CFAP20DC: variants seen among roughly 807,000 people sequenced by gnomAD.
The protein encoded by CFAP20DC is protein CFAP20DC.
Under a neutral mutation model 101.7 loss-of-function variants are expected in CFAP20DC, and 84 were observed. The ratio of observed to expected loss-of-function variants is 0.83; its 90% CI spans 0.69 to 0.99. CFAP20DC has a LOEUF of 0.99. Ranked by LOEUF, CFAP20DC falls within the 50% of genes least tolerant of loss-of-function variation. The pLI is 0.00. For synonymous variants in CFAP20DC, 359 were observed against 351.2 expected (o/e 1.02, Z -0.25); for missense variants, 1,007 against 970.3 (o/e 1.04, Z -0.50).
intron 4 of CFAP20DC, among the ~76,000 whole-genome samples, chr3:59,035,135 T>G (rs905638011): frequency 2.0e-5 from 3 of 152,186 alleles, no homozygotes; most frequent in Admixed American, 2.0e-4. Context: ...ATAAGTTCTT[T>G]GAAACCAATG....
chr3:58,929,264 A>G (rs1374770592), intron 5 of CFAP20DC, among the ~76,000 whole-genome samples: 1 of 152,230 alleles, frequency 6.6e-6, no homozygotes, highest in Non-Finnish European at 1.5e-5. Context: ...TTACAGCCAC[A>G]TACATAATAC....
At chr3:58,750,436 G>A (rs1325974017) in intron 16 of CFAP20DC, among the ~76,000 whole-genome samples, 1 of 152,138 alleles carries the variant, frequency 6.6e-6, no homozygotes, top group East Asian at 1.9e-4. Context: ...AGGCTATTGT[G>A]AGAATTCAAG....
intron 14 of CFAP20DC, chr3:58,824,438 T>A (rs1024342467): frequency 6.6e-6 from 1 of 152,114 alleles, no homozygotes; most frequent in Admixed American, 6.6e-5. Flanking sequence ...GAAAACAGTA[T>A]TCATATATAA....
At chr3:58,871,183 A>AT (rs1292835202) in intron 7 of CFAP20DC, among the ~76,000 whole-genome samples, 9 of 152,222 alleles carry the variant, frequency 5.9e-5, no homozygotes, top group Admixed American at 4.6e-4. Context: ...AATTTCAAGA[A>AT]TAAGAGATGT....
intron 4 of CFAP20DC, among the ~76,000 whole-genome samples, chr3:58,977,699 C>G (rs1449023934): frequency 6.8e-6 from 1 of 146,872 alleles, no homozygotes; most frequent in Non-Finnish European, 1.5e-5. Flanking sequence ...AGTTTTATAA[C>G]TTTTTGTCAG....
chr3:58,961,728 T>G (rs367799992), intron 4 of CFAP20DC, among the ~76,000 whole-genome samples: 3 of 149,284 alleles, frequency 2.0e-5, no homozygotes, highest in East Asian at 1.9e-4. Flanking sequence ...AAATTTTCTG[T>G]TTTTTTTTTC....
chr3:58,896,486 T>C (rs1222811591), intron 6 of CFAP20DC, among the ~76,000 whole-genome samples: 1 of 152,222 alleles, frequency 6.6e-6, no homozygotes, highest in African/African-American at 2.4e-5. Context: ...GCTTGTTAAC[T>C]TGTGATCTTT....
chr3:58,885,561 C>G (rs1047739069), intron 6 of CFAP20DC, among the ~76,000 whole-genome samples: 2 of 151,418 alleles, frequency 1.3e-5, no homozygotes, highest in South Asian at 4.2e-4. Flanking sequence ...TGGTATTCCT[C>G]TTATCTAGCC....
chr3:59,049,771 G>C lies in CFAP20DC; in HGVS notation c.-140C>G, dbSNP rs1466039198. 1.3e-5 allele frequency: 13 copies of C among 1,022,188 alleles called. No homozygotes were observed. Among genetic ancestry groups the C allele is most frequent in the Non-Finnish European group, 1.8e-5 (13 of 714,838 alleles). 63.3% of individuals were successfully genotyped at this position (1,022,188 alleles called of 1,614,324 possible). A position where few individuals can be genotyped will look rare whatever the true frequency, so the allele number is the denominator to read the frequency against. On this transcript the variant is annotated 5_prime_UTR_variant, in exon 1 of 17. Transcript: ENST00000482387. ...AGGGCTTCGTGCTTGGCCCAGACTT[G>C]GGCAGGCTCTTCTCAGCCCCTCCGG...
chr3:58,867,991 A>AAGT (rs2079836553), intron 9 of CFAP20DC, 55 bp from the exon 10 acceptor site: 1 of 1,504,534 alleles, frequency 6.6e-7, no homozygotes, highest in Non-Finnish European at 8.9e-7. Flanking sequence ...ATATGGCTTG[A>AAGT]AGTAACTCAG....
intron 4 of CFAP20DC, among the ~76,000 whole-genome samples, chr3:58,939,519 C>T (rs936227507): frequency 6.4e-4 from 94 of 146,644 alleles, no homozygotes; most frequent in Non-Finnish European, 1.4e-4. Context: ...AGTGCAGTGG[C>T]GCAATCTCGG....
intron 13 of CFAP20DC, among the ~76,000 whole-genome samples, chr3:58,845,619 T>C (rs1381486896): frequency 6.6e-6 from 1 of 152,172 alleles, no homozygotes; most frequent in Non-Finnish European, 1.5e-5. Context: ...TCTGAAACTA[T>C]TCCAATCAAT....
rs2107432599 is a variant in CFAP20DC at position 58,914,683 on chromosome 3, T to C, written c.394-819A>G. 6.7e-6 allele frequency among the ~76,000 whole-genome samples: 1 copy of C among 148,790 alleles called. No homozygotes were observed. Among genetic ancestry groups the C allele is most frequent in the African/African-American group, 2.5e-5 (1 of 40,484 alleles). Reference sequence around the variant, plus strand: ...ATAAGGTCCTGTATATATAAATATATATATATATATTTTTTTTCTTTTTTT... The same window carrying C: ...ATAAGGTCCTGTATATATAAATATACATATATATATTTTTTTTCTTTTTTT... On this transcript the variant is annotated intron_variant, in intron 5 of 16. Coordinates refer to ENST00000482387, the MANE Select transcript of CFAP20DC (RefSeq NM_001394063.1). This position sits in a 1 kb window ranked among gnomAD's most constrained non-coding sequence, Gnocchi z 4.9.
intron 15 of CFAP20DC, among the ~76,000 whole-genome samples, chr3:58,757,872 T>G (rs2069111658): frequency 2.0e-5 from 3 of 152,172 alleles, no homozygotes. Flanking sequence ...AGCTTTTTAC[T>G]AAGTAAGCAT....
rs936695900 is a variant in CFAP20DC at position 58,869,481 on chromosome 3, A to T, written c.862T>A (p.Ser288Thr). The stretch of plus-strand genomic sequence containing the variant: ...GATCGGTTATTTTTGGACCCAACGG[A>T]TCTCACTGTCTGTAAAGGAATTAAT... The part of the protein sequence containing the change: ...NMKISSETVR[S>T]VGSKNNRSCQ... The change falls in exon 9 of 17, where the codon TCC becomes ACC. Residue 288 changes from serine to threonine, a missense_variant. Coordinates refer to ENST00000482387, the MANE Select transcript of CFAP20DC (RefSeq NM_001394063.1). The surrounding 1 kb of genome is among the most constrained non-coding windows in gnomAD (Gnocchi z 4.3). The T allele has an allele frequency of 1.2e-6, 2 of 1,609,122 alleles. No homozygotes were observed. Among genetic ancestry groups the T allele is most frequent in the Non-Finnish European group, 1.7e-6 (2 of 1,178,036 alleles).
chr3:58,807,545 T>A (rs1044381396), intron 14 of CFAP20DC, among the ~76,000 whole-genome samples: 3 of 152,068 alleles, frequency 2.0e-5, no homozygotes, highest in Non-Finnish European at 4.4e-5. Flanking sequence ...AGAAAGGACA[T>A]CCATACCAAA....
intron 4 of CFAP20DC, among the ~76,000 whole-genome samples, chr3:58,960,706 A>G (rs1026049592): frequency 3.9e-5 from 6 of 152,124 alleles, no homozygotes; most frequent in African/African-American, 1.2e-4. Flanking sequence ...TCCTATGGAC[A>G]CATGTTTATG....
chr3:59,028,775 T>C (rs1158768560), intron 4 of CFAP20DC, among the ~76,000 whole-genome samples: 1 of 152,222 alleles, frequency 6.6e-6, no homozygotes, highest in Non-Finnish European at 1.5e-5. Context: ...AATTGAGCTA[T>C]AACAAAGTGC....
At chr3:58,718,730 T>C (rs1441977335) in intron 3 of CFAP20DC, among the ~76,000 whole-genome samples, 1 of 152,214 alleles carries the variant, frequency 6.6e-6, no homozygotes, top group African/African-American at 2.4e-5. Flanking sequence ...CTTTCTGCCA[T>C]ATCCCCAGTT....
Sources: allele counts gnomAD v4.1 joint callset (sites outside exome capture counted in the v4.1 genomes callset), GRCh38; gene constraint gnomAD v4.1.1; non-coding constraint Gnocchi (gnomAD v3.1); transcripts MANE v1.5; gene names NCBI Gene and HGNC (gene_info 2026-07-23, HGNC 2026-07-21).